Variants in PDE4B observed in about 807,000 individuals in gnomAD.
PDE4B encodes the protein phosphodiesterase 4B, also known as 3',5'-cyclic-AMP phosphodiesterase 4B.
A neutral mutation model predicts 82.2 loss-of-function variants in PDE4B; 20 were observed. The ratio of observed to expected loss-of-function variants is 0.24; its 90% CI spans 0.17 to 0.35. The LOEUF (loss-of-function observed/expected upper bound fraction) is 0.35. Among genes scored for constraint, PDE4B ranks in the 10% least tolerant of loss-of-function variants. The pLI, the probability that PDE4B is intolerant of heterozygous loss-of-function variation, is 1.00. For missense variants in PDE4B, 655 were observed against 907.2 expected (o/e 0.72, Z 3.57); for synonymous variants, 320 against 318.9 (o/e 1.00, Z -0.04).
At chr1:65,805,173 C>G (rs1645741089) in intron 1 of PDE4B, among the ~76,000 whole-genome samples, 1 of 152,110 alleles carries the variant, frequency 6.6e-6, no homozygotes, top group African/African-American at 2.4e-5. Flanking sequence ...CCATGTTGGC[C>G]AGGCTGGTCT....
chr1:66,269,605 C>T (rs954088105), intron 7 of PDE4B, among the ~76,000 whole-genome samples: 6 of 152,182 alleles, frequency 3.9e-5, no homozygotes, highest in African/African-American at 7.2e-5. Context: ...AAGTAATTCT[C>T]AGGATTTCAG....
At chr1:66,266,139 A>C (rs565262425) in intron 7 of PDE4B, 52 bp downstream of exon 7, 3 of 1,303,548 alleles carry the variant, frequency 2.3e-6, no homozygotes, top group Non-Finnish European at 2.2e-6. Flanking sequence ...AATAATAAAC[A>C]TGCCTCTTAT....
At chr1:66,323,552 A>G (rs1401440174) in intron 7 of PDE4B, among the ~76,000 whole-genome samples, 1 of 152,206 alleles carries the variant, frequency 6.6e-6, no homozygotes, top group Non-Finnish European at 1.5e-5. Flanking sequence ...TAGGCACTCA[A>G]AAATTTTACT....
Position 66,265,479 on chromosome 1 carries a change from G to A in PDE4B, c.585-559G>A, listed in dbSNP as rs531744081. ...CAGCAGGCTTGTTATGATGTAGAATGACGTCCCAGTTCCTCCATGAAAATT... is the reference window on the plus strand; with the variant it reads ...CAGCAGGCTTGTTATGATGTAGAATAACGTCCCAGTTCCTCCATGAAAATT... On this transcript the variant is annotated intron_variant, in intron 6 of 16. Transcript: ENST00000341517. 8.5e-5 allele frequency among the ~76,000 whole-genome samples: 13 copies of A among 152,304 alleles called. No homozygotes were observed. The South Asian group carries it at 2.5e-3, about 29-fold the overall frequency.
intron 7 of PDE4B, among the ~76,000 whole-genome samples, chr1:66,301,087 A>G (rs1657859775): frequency 6.6e-6 from 1 of 152,148 alleles, no homozygotes; most frequent in Non-Finnish European, 1.5e-5. Flanking sequence ...ACTTAGAAGA[A>G]AAGTTCCTGC....
intron 3 of PDE4B, among the ~76,000 whole-genome samples, chr1:66,214,305 A>G (rs1650286264): frequency 6.6e-6 from 1 of 152,158 alleles, no homozygotes; most frequent in South Asian, 2.1e-4. Flanking sequence ...GTATTCTCAG[A>G]TCTTTTATTC....
intron 3 of PDE4B, among the ~76,000 whole-genome samples, chr1:65,953,382 G>A (rs911314734): frequency 6.6e-6 from 1 of 152,084 alleles, no homozygotes; most frequent in African/African-American, 2.4e-5. Flanking sequence ...ATGTGATTAA[G>A]TTCAGGGCTT....
chr1:66,224,345 T>A (rs1216873058), intron 3 of PDE4B, among the ~76,000 whole-genome samples: 1 of 152,214 alleles, frequency 6.6e-6, no homozygotes, highest in Non-Finnish European at 1.5e-5. Context: ...ACCAAAATTC[T>A]GGGCAAAATT....
intron 7 of PDE4B, among the ~76,000 whole-genome samples, chr1:66,328,849 G>A (rs1393671237): frequency 6.6e-6 from 1 of 152,210 alleles, no homozygotes; most frequent in Non-Finnish European, 1.5e-5. Flanking sequence ...GGCTGGCATG[G>A]CTGTGGTAGA....
chr1:66,150,177 T>C (rs1646362674), intron 3 of PDE4B, among the ~76,000 whole-genome samples: 1 of 152,120 alleles, frequency 6.6e-6, no homozygotes. Flanking sequence ...GAATAGTAAA[T>C]CCTACAACTT....
intron 2 of PDE4B, among the ~76,000 whole-genome samples, chr1:65,918,190 G>A (rs1262379491): frequency 2.6e-5 from 4 of 152,072 alleles, no homozygotes; most frequent in Admixed American, 1.3e-4. Flanking sequence ...AATACTGAAC[G>A]AGAAACTTTA....
intron 7 of PDE4B, among the ~76,000 whole-genome samples, chr1:66,293,191 A>G (rs908087311): frequency 1.3e-5 from 2 of 152,158 alleles, no homozygotes; most frequent in South Asian, 2.1e-4. Flanking sequence ...GGGGCACTCT[A>G]AACAAAGCAG....
rs549141148 is a variant in PDE4B, at chr1:65,793,014, C to T, written c.-305C>T. Among the ~76,000 whole-genome samples, 545 of 151,926 alleles carry T rather than the reference C, an allele frequency of 3.6e-3. 3 individuals carry two copies. Among genetic ancestry groups the T allele is most frequent in the African/African-American group, 0.013 (524 of 41,516 alleles). The stretch of plus-strand genomic sequence containing the variant: ...CGCCCCCGGCCCGCGCGCCCCTTCC[C>T]GGGGCTCCTGGCCTCGCCTCAGCGG... On this transcript the variant is annotated 5_prime_UTR_variant, in exon 1 of 17. Transcript: ENST00000341517.
chr1:66,081,613 G>T (rs1656728638), intron 3 of PDE4B, among the ~76,000 whole-genome samples: 1 of 152,056 alleles, frequency 6.6e-6, no homozygotes, highest in Admixed American at 6.6e-5. Flanking sequence ...TATTGTTGAT[G>T]ATTCTAAAGG....
chr1:65,872,645 T>G (rs1244199126), intron 1 of PDE4B, among the ~76,000 whole-genome samples: 1 of 152,184 alleles, frequency 6.6e-6, no homozygotes, highest in African/African-American at 2.4e-5. Flanking sequence ...AATGACAGTG[T>G]TAATGGATGT....
At chr1:66,197,717 A>G (rs1189162117) in intron 3 of PDE4B, among the ~76,000 whole-genome samples, 4 of 152,182 alleles carry the variant, frequency 2.6e-5, no homozygotes, top group Non-Finnish European at 5.9e-5. Flanking sequence ...ATGAAAATAA[A>G]TAAACTTATT....
In PDE4B at chr1:65,956,907, A is replaced by G. The variant is rs188514075; in HGVS notation, c.281+38072A>G. Among the ~76,000 whole-genome samples, 872 of 151,978 alleles carry G rather than the reference A, an allele frequency of 5.7e-3. 2 individuals carry two copies. The highest frequency in any genetic ancestry group is 0.01 in the Non-Finnish European group (689 of 67,928). Reference sequence around the variant, plus strand: ...TATAAAGGTTCCTATTTATCTGTGTACTCTCTGATCTTTGATATTGTCAGA... The same window carrying G: ...TATAAAGGTTCCTATTTATCTGTGTGCTCTCTGATCTTTGATATTGTCAGA... On this transcript the variant is annotated intron_variant, in intron 3 of 16. Coordinates refer to ENST00000341517, the MANE Select transcript of PDE4B (RefSeq NM_002600.4).
chr1:66,020,230 T>A (rs553424895), intron 3 of PDE4B, among the ~76,000 whole-genome samples: 118 of 152,294 alleles, frequency 7.7e-4, no homozygotes, highest in Admixed American at 1.2e-3. Flanking sequence ...AGGATTCTGA[T>A]TAAGGCAGGT....
intron 3 of PDE4B, among the ~76,000 whole-genome samples, chr1:65,991,574 T>C (rs1211214540): frequency 6.6e-6 from 1 of 152,198 alleles, no homozygotes; most frequent in African/African-American, 2.4e-5. Flanking sequence ...ATTGCCGGTA[T>C]AGACTTTTCA....
Sources: allele counts gnomAD v4.1 joint callset (sites outside exome capture counted in the v4.1 genomes callset), GRCh38; gene constraint gnomAD v4.1.1; transcripts MANE v1.5; gene names NCBI Gene and HGNC (gene_info 2026-07-23, HGNC 2026-07-21).